The following GUSB variants were observed in gnomAD, a reference collection of about 807,000 sequenced individuals.
The protein encoded by GUSB is glucuronidase beta, also known as beta-glucuronidase.
Under a neutral mutation model 74.6 loss-of-function variants are expected in GUSB, and 51 were observed. The observed-to-expected ratio is 0.68, with a 90% confidence interval of 0.55 to 0.86. The LOEUF is 0.86. Ranked by LOEUF, GUSB falls within the 40% of genes least tolerant of loss-of-function variation. The probability of loss-of-function intolerance (pLI) is 0.00; values close to 1 mark genes in which losing one functional copy is unlikely to be tolerated. For synonymous variants in GUSB, 360 were observed against 348.3 expected (o/e 1.03, Z -0.37); for missense variants, 736 against 853.7 (o/e 0.86, Z 1.72).
chr7:65,976,416 C>CT (rs1296938597), intron 4 of GUSB, among the ~76,000 whole-genome samples: 1 of 151,928 alleles, frequency 6.6e-6, no homozygotes, highest in East Asian at 2.0e-4. Context: ...ACCTCCACCT[C>CT]TGGGGTTCAG....
At chr7:65,961,162 CTTT>C (rs1219469323) in intron 11 of GUSB, 99 bp from the exon 12 acceptor site, 2 of 1,153,692 alleles carry the variant, frequency 1.7e-6, no homozygotes, top group African/African-American at 3.1e-5. Flanking sequence ...ATAGAAATGT[CTTT>C]TTTTTTCTTT....
In GUSB at chr7:65,979,842, G is replaced by C. The variant is rs1410086265; in HGVS notation, c.466C>G (p.Leu156Val). The C allele has an allele frequency of 1.2e-6, 2 of 1,613,522 alleles. No individual in the cohort carries two copies. The highest frequency in any genetic ancestry group is 1.7e-5 in the Admixed American group (1 of 59,998). ...YLPFEADISNLVQVGPLPSRL... is the reference protein window; with the variant it reads ...YLPFEADISNVVQVGPLPSRL... ...GAGGGCAGGGGCCCCACCTGGACCAGGTTGCTGATGTCGGCCTCGAAGGGG... is the reference window on the plus strand; with the variant it reads ...GAGGGCAGGGGCCCCACCTGGACCACGTTGCTGATGTCGGCCTCGAAGGGG... The change falls in exon 3 of 12, where the codon CTG becomes GTG. Residue 156 changes from leucine to valine, a missense_variant. Transcript: ENST00000304895.
chr7:65,982,064 C>T lies in GUSB; in HGVS notation c.120G>A (p.Glu40=), dbSNP rs1236387993. 5 of 1,609,284 alleles carry T rather than the reference C, an allele frequency of 3.1e-6. No individual in the cohort carries two copies. Among genetic ancestry groups the T allele is most frequent in the Non-Finnish European group, 4.2e-6 (5 of 1,178,656 alleles). Residue 40 remains glutamate, a synonymous_variant, in exon 1 of 12, where the codon GAG becomes GAA. Coordinates refer to ENST00000304895, the MANE Select transcript of GUSB (RefSeq NM_000181.4). ...CGCGGAAGCTCCAGAGGCCGTCCAG[C>T]TCCTTGCACTCCCGCGACGGGCTCT... ...PQESPSRECK[E]LDGLWSFRAD... is the part of the protein sequence containing the mutation.
chr7:65,962,601 G>A lies in GUSB; in HGVS notation c.1790-1538C>T, dbSNP rs564225902. ...TTAAGACCGAGTTTCAGCTGGCCAT[G>A]GTGGCTCATGCCTGTAATCCCAGCA... On this transcript the variant is annotated intron_variant, in intron 11 of 11. Coordinates refer to ENST00000304895, the MANE Select transcript of GUSB (RefSeq NM_000181.4). Among the ~76,000 whole-genome samples, 15 of 152,144 alleles carry A rather than the reference G, an allele frequency of 9.9e-5. 1 individual carries two copies. In the South Asian group the frequency reaches 3.1e-3, roughly 32 times the overall value.
intron 8 of GUSB, among the ~76,000 whole-genome samples, chr7:65,972,751 A>T (rs1201644317): frequency 1.3e-5 from 2 of 152,016 alleles, no homozygotes; most frequent in African/African-American, 4.8e-5. Context: ...AAGAAGCCTC[A>T]AACACCTGCT....
At chr7:65,976,288 G>A in intron 4 of GUSB, 86 bp from the exon 5 acceptor site, 2 of 908,164 alleles carry the variant, frequency 2.2e-6, no homozygotes, top group Non-Finnish European at 3.6e-6. Flanking sequence ...ACCGCTGCCA[G>A]GCAGCCATTT....
intron 8 of GUSB, among the ~76,000 whole-genome samples, chr7:65,972,654 G>C (rs1025570716): frequency 1.3e-5 from 2 of 152,176 alleles, no homozygotes; most frequent in Non-Finnish European, 2.9e-5. Flanking sequence ...TTCAAAGCCT[G>C]TGACAGCCTG....
Position 65,980,288 on chromosome 7 carries a change from C to T in GUSB, c.332G>A (p.Trp111Ter). 2 of 1,601,064 alleles carry T rather than the reference C, an allele frequency of 1.2e-6. No homozygotes were observed. The highest frequency in any genetic ancestry group is 1.7e-6 in the Non-Finnish European group (2 of 1,172,384). Reference protein sequence around the residue: ...YEREVILPERWTQDLRTRVVL... With the variant: ...YEREVILPER Reference sequence around the variant, plus strand: ...CACTCTTGTGCGCAGGTCCTGGGTCCATCGCTCCGGCAGGATCACCTCCCG... The same window carrying T: ...CACTCTTGTGCGCAGGTCCTGGGTCTATCGCTCCGGCAGGATCACCTCCCG... Residue 111 changes from tryptophan to a stop codon, truncating the protein, a stop_gained, in exon 2 of 12, where the codon TGG becomes TAG. Coordinates refer to ENST00000304895, the MANE Select transcript of GUSB (RefSeq NM_000181.4). LOFTEE classifies it high-confidence loss of function.
chr7:65,974,860 G>A, intron 6 of GUSB, 59 bp downstream of exon 6: 8 of 1,591,024 alleles, frequency 5.0e-6, no homozygotes, highest in East Asian at 2.2e-5. Context: ...ACACAGGGAA[G>A]GCGAAAGTGG....
At chr7:65,978,790 AAAAG>A (rs1290307124) in intron 4 of GUSB, among the ~76,000 whole-genome samples, 6 of 151,974 alleles carry the variant, frequency 3.9e-5, no homozygotes, top group Non-Finnish European at 4.4e-5. Context: ...AAAGAAGAAA[AAAAG>A]AAAGACAGGG....
In GUSB at chr7:65,970,384, A is replaced by T. The variant is rs1208999575; in HGVS notation, c.1392-18T>A. On this transcript the variant is annotated intron_variant, in intron 8 of 11. Coordinates refer to ENST00000304895, the MANE Select transcript of GUSB (RefSeq NM_000181.4). Reference sequence around the variant, plus strand: ...TCACCATCCTGTCCACAAAAGGCAGAAGAAACAGGTTCCATCAGTCCAGGA... The same window carrying T: ...TCACCATCCTGTCCACAAAAGGCAGTAGAAACAGGTTCCATCAGTCCAGGA... The T allele has an allele frequency of 6.4e-7, 1 of 1,572,284 alleles. No individual in the cohort carries two copies. Among genetic ancestry groups the T allele is most frequent in the Non-Finnish European group, 8.8e-7 (1 of 1,142,436 alleles).
rs754699640 is a variant in GUSB, at chr7:65,976,220, G to A, written c.725-18C>T. 1.9e-6 allele frequency: 3 copies of A among 1,594,186 alleles called. No homozygotes were observed. The highest frequency in any genetic ancestry group is 2.2e-5 in the East Asian group (1 of 44,800). On this transcript the variant is annotated intron_variant, in intron 4 of 11. Coordinates refer to ENST00000304895, the MANE Select transcript of GUSB (RefSeq NM_000181.4). Reference sequence around the variant, plus strand: ...CACCAGCCCTGCAAGAAACAAGAGAGACCAGGGCTGAGGGAGGGACACGAC... The same window carrying A: ...CACCAGCCCTGCAAGAAACAAGAGAAACCAGGGCTGAGGGAGGGACACGAC...
chr7:65,972,210 G>A (rs1020068732), intron 8 of GUSB, among the ~76,000 whole-genome samples: 1 of 151,972 alleles, frequency 6.6e-6, no homozygotes, highest in East Asian at 1.9e-4. Flanking sequence ...AGCCCAGGCT[G>A]GAGTGCAATG....
At position 65,960,785 on chromosome 7, in the gene GUSB, A is replaced by G. The variant is rs1156240353; in HGVS notation, c.*112T>C. On this transcript the variant is annotated 3_prime_UTR_variant, in exon 12 of 12. Transcript: ENST00000304895. ...GCTAGAATAGATGACCACAAAACCC[A>G]GGCCAGAAACGTTCTGGTCTGCCGT... The G allele has an allele frequency of 5.7e-6, 5 of 872,738 alleles. No individual in the cohort carries two copies. Among genetic ancestry groups the G allele is most frequent in the Non-Finnish European group, 7.9e-6 (4 of 508,400 alleles). The allele number at this position is 872,738 out of a possible 1,614,324, so 54.1% of individuals were successfully genotyped here.
chr7:65,972,470 G>A (rs552385608), intron 8 of GUSB, among the ~76,000 whole-genome samples: 1 of 152,130 alleles, frequency 6.6e-6, no homozygotes, highest in Admixed American at 6.6e-5. Context: ...AGCCTAGACT[G>A]TTGTTGAAGC....
chr7:65,970,844 A>G (rs1262310031), intron 8 of GUSB, among the ~76,000 whole-genome samples: 1 of 151,916 alleles, frequency 6.6e-6, no homozygotes, highest in Admixed American at 6.6e-5. Flanking sequence ...GGCCAAGATC[A>G]TGCCACTGCA....
intron 5 of GUSB, chr7:65,975,372 C>A: frequency 2.3e-6 from 1 of 437,516 alleles, no homozygotes; most frequent in Non-Finnish European, 4.3e-6. Context: ...AGACTGAGAC[C>A]CCATCTCTAT....
At chr7:65,964,128 G>T in intron 11 of GUSB, 195 bp downstream of exon 11, 1 of 641,812 alleles carries the variant, frequency 1.6e-6, no homozygotes. Context: ...TTTGGGAGGC[G>T]GGGGCCTGAT....
rs776024156 is a variant in GUSB, at chr7:65,960,911, T to C, written c.1942A>G (p.Ser648Gly). The C allele has an allele frequency of 5.6e-6, 9 of 1,613,862 alleles. No homozygotes were observed. Among genetic ancestry groups the C allele is most frequent in the Non-Finnish European group, 7.6e-6 (9 of 1,179,906 alleles). ...SVAKSQCLEN[S>G]LFT ...ATCAGTCTTGCTCAAGTAAACAGGC[T>C]GTTTTCCAAACATTGTGACTTGGCT... is the stretch of plus-strand genomic sequence containing the variant. The change falls in exon 12 of 12, where the codon AGC becomes GGC. Residue 648 changes from serine to glycine, a missense_variant. By Grantham distance (56) the Ser-to-Gly change is moderately conservative. Transcript: ENST00000304895.
Sources: gnomAD v4.1 joint callset for allele counts (sites outside exome capture counted in the v4.1 genomes callset) on GRCh38, gnomAD v4.1.1 for gene constraint, MANE v1.5 for transcripts, NCBI Gene and HGNC (gene_info 2026-07-23, HGNC 2026-07-21) for gene names.